The following ZNF585B variants were observed in gnomAD, a reference collection of about 807,000 sequenced individuals.
ZNF585B encodes zinc finger protein 41-like protein.
In ZNF585B, 7 loss-of-function variants were observed where a neutral mutation model predicts 14.0. The observed-to-expected ratio is 0.50, with a 90% CI of 0.28 to 0.94. The LOEUF is 0.94. Ranked by LOEUF, ZNF585B falls within the 40% of genes least tolerant of loss-of-function variation. The pLI, the probability that ZNF585B is intolerant of heterozygous loss-of-function variation, is 0.09. For synonymous variants in ZNF585B, 290 were observed against 317.3 expected (o/e 0.91, Z 0.91); for missense variants, 750 against 924.4 (o/e 0.81, Z 2.45).
chr19:37,186,783 T>C lies in ZNF585B; in HGVS notation c.754A>G (p.Thr252Ala), dbSNP rs1302686094. 6.2e-7 allele frequency: 1 copy of C among 1,614,206 alleles called. No individual in the cohort carries two copies. Among genetic ancestry groups the C allele is most frequent in the South Asian group, 1.1e-5 (1 of 91,086 alleles). Residue 252 changes from threonine to alanine, a missense_variant, in exon 5 of 5, where the codon ACA (threonine) becomes GCA (alanine). By Grantham distance (58) the Thr-to-Ala change is moderately conservative. Around this residue, in one of 2 missense-constraint regions of ZNF585B, gnomAD observed 517 missense variants for 570.3 expected, o/e 0.91. Transcript: ENST00000532828. Reference protein sequence around the residue: ...HECTDCGKAFTQKSTLKIHQK... With the variant: ...HECTDCGKAFAQKSTLKIHQK... ...TGAATCTTGAGTGTGGACTTTTGTG[T>C]GAACGCTTTGCCACAGTCAGTGCAT...
rs111650421 is a variant in ZNF585B, at chr19:37,186,585, G to A, written c.952C>T (p.Arg318Cys). The change falls in exon 5 of 5, where the codon CGT becomes TGT. Residue 318 changes from arginine to cysteine, a missense_variant. Arg to Cys is a radical substitution (Grantham distance 180, BLOSUM62 -3). This residue lies in a region of ZNF585B where 517 missense variants were observed against 570.3 expected (regional missense o/e 0.91). Transcript: ENST00000532828. ...ISKSQLQVHQ[R>C]VHTRVKPYIC... ...TAGGGCTTCACTCTTGTGTGAACAC[G>A]TTGATGTACCTGAAGTTGTGACTTG... 23 of 1,614,074 alleles carry A rather than the reference G, an allele frequency of 1.4e-5. No individual in the cohort carries two copies. The highest frequency in any genetic ancestry group is 6.6e-5 in the South Asian group (6 of 91,084).
intron 2 of ZNF585B, among the ~76,000 whole-genome samples, chr19:37,194,882 C>T (rs923268153): frequency 6.6e-5 from 10 of 151,828 alleles, no homozygotes; most frequent in African/African-American, 2.2e-4. Context: ...GTATGTTCCA[C>T]AAGGAAATCA....
intron 2 of ZNF585B, among the ~76,000 whole-genome samples, chr19:37,194,778 C>T (rs1241804584): frequency 2.0e-5 from 3 of 152,252 alleles, no homozygotes; most frequent in Admixed American, 1.3e-4. Flanking sequence ...GCAGAATACA[C>T]ATTCTTTTCA....
rs753183297 is a variant in ZNF585B, at chr19:37,185,595, T to C, written c.1942A>G (p.Asn648Asp). 6 of 1,613,920 alleles carry C rather than the reference T, an allele frequency of 3.7e-6. No homozygotes were observed. The highest frequency in any genetic ancestry group is 2.2e-5 in the South Asian group (2 of 91,058). Residue 648 changes from asparagine to aspartate, a missense_variant, in exon 5 of 5, where the codon AAT becomes GAT. This residue lies in a region of ZNF585B where 233 missense variants were observed against 354.1 expected (regional missense o/e 0.66). Coordinates refer to ENST00000532828, the MANE Select transcript of ZNF585B (RefSeq NM_152279.4). ...TGAGTTTTCTGGTGCTTACTGAGAT[T>C]TGACCTGCCACTAAAGGCTTTCCCA... ...ECGKAFSGRS[N>D]LSKHQKTHTG... is the part of the protein sequence containing the mutation.
At chr19:37,206,876 G>A (rs1021475883) in intron 2 of ZNF585B, among the ~76,000 whole-genome samples, 164 bp downstream of exon 2, 5 of 152,208 alleles carry the variant, frequency 3.3e-5, no homozygotes, top group Non-Finnish European at 5.9e-5. Flanking sequence ...CATTACCCAC[G>A]TGTTCATTCT....
chr19:37,196,917 G>C (rs956497569), intron 2 of ZNF585B, among the ~76,000 whole-genome samples: 3 of 152,140 alleles, frequency 2.0e-5, no homozygotes, highest in African/African-American at 7.2e-5. Context: ...CTGCACAGAG[G>C]TTAGCGCCCC....
intron 2 of ZNF585B, chr19:37,199,383 G>A: frequency 2.6e-6 from 1 of 383,988 alleles, no homozygotes; most frequent in Non-Finnish European, 5.2e-6. Flanking sequence ...AATTTCGCCA[G>A]TTCTATTGGC....
chr19:37,200,947 C>T (rs137868135), intron 2 of ZNF585B, among the ~76,000 whole-genome samples: 3,717 of 151,782 alleles, frequency 0.024, 173 homozygotes, highest in African/African-American at 0.084. Context: ...AAAAATTAGC[C>T]GGGCATGGTG....
In ZNF585B at chr19:37,182,006, A is replaced by C. The variant is rs1473819047; in HGVS notation, c.*3221T>G. 6.6e-6 allele frequency: 1 copy of C among 152,080 alleles called. No individual in the cohort carries two copies. The highest frequency in any genetic ancestry group is 1.5e-5 in the Non-Finnish European group (1 of 67,998). 9.4% of individuals were successfully genotyped at this position (152,080 alleles called of 1,614,324 possible). A position where few individuals can be genotyped will look rare whatever the true frequency, so the allele number is the denominator to read the frequency against. On this transcript the variant is annotated 3_prime_UTR_variant, in exon 5 of 5. Coordinates refer to ENST00000532828, the MANE Select transcript of ZNF585B (RefSeq NM_152279.4). The stretch of plus-strand genomic sequence containing the variant: ...ACCATGGACTTTGGCCGATAGTGTC[A>C]ATGTAGTTTCATCAATTGTAACAAA...
In ZNF585B at chr19:37,207,255, C is replaced by G; in HGVS notation, c.-143-1G>C. 1 of 1,463,580 alleles carries G rather than the reference C, an allele frequency of 6.8e-7. No individual in the cohort carries two copies. Among genetic ancestry groups the G allele is most frequent in the Non-Finnish European group, 9.0e-7 (1 of 1,110,906 alleles). The allele number at this position is 1,463,580 out of a possible 1,614,324, so 90.7% of individuals were successfully genotyped here. Reference sequence around the variant, plus strand: ...GGACTCCCCAGAGACACCCAAGAACCTAGAAAAACAATGTCCACGTAGTCA... The same window carrying G: ...GGACTCCCCAGAGACACCCAAGAACGTAGAAAAACAATGTCCACGTAGTCA... On this transcript the variant is annotated splice_acceptor_variant, in intron 1 of 4. Transcript: ENST00000532828. LOFTEE classifies it low-confidence loss of function (5UTR_SPLICE).
rs576657656 is a variant in ZNF585B, at chr19:37,200,780, G to A, written c.72+6260C>T. ...TTAAAGAAGGTAATGTTATAAAGCCGCCACTAAAAGAACAAAAGAAAAAAC... is the reference window on the plus strand; with the variant it reads ...TTAAAGAAGGTAATGTTATAAAGCCACCACTAAAAGAACAAAAGAAAAAAC... On this transcript the variant is annotated intron_variant, in intron 2 of 4. Coordinates refer to ENST00000532828, the MANE Select transcript of ZNF585B (RefSeq NM_152279.4). Among the ~76,000 whole-genome samples the A allele has an allele frequency of 4.0e-5, 6 of 151,344 alleles. No individual in the cohort carries two copies. The East Asian group carries it at 5.9e-4, about 15-fold the overall frequency.
intron 2 of ZNF585B, among the ~76,000 whole-genome samples, chr19:37,190,768 G>A (rs1044595273): frequency 1.3e-5 from 2 of 151,894 alleles, no homozygotes; most frequent in Non-Finnish European, 2.9e-5. Flanking sequence ...GTTTCACCAT[G>A]TTGGCCAGAA....
At chr19:37,208,939 C>T (rs1243184850) in intron 1 of ZNF585B, among the ~76,000 whole-genome samples, 2 of 151,728 alleles carry the variant, frequency 1.3e-5, no homozygotes, top group Non-Finnish European at 2.9e-5. Flanking sequence ...TTGCAATGAG[C>T]GGAGATCACG....
chr19:37,194,180 T>C (rs770488831), intron 2 of ZNF585B, among the ~76,000 whole-genome samples: 1 of 152,246 alleles, frequency 6.6e-6, no homozygotes, highest in Non-Finnish European at 1.5e-5. Flanking sequence ...AGGTTGCTTA[T>C]ACTATTCTCT....
chr19:37,206,420 C>T (rs1456761618), intron 2 of ZNF585B, among the ~76,000 whole-genome samples: 4 of 150,272 alleles, frequency 2.7e-5, no homozygotes, highest in African/African-American at 9.8e-5. Flanking sequence ...CATTGTACTC[C>T]AGCCTGGGCA....
chr19:37,194,042 T>A (rs1972433556), intron 2 of ZNF585B, among the ~76,000 whole-genome samples: 1 of 152,178 alleles, frequency 6.6e-6, no homozygotes, highest in Non-Finnish European at 1.5e-5. Context: ...TATTTTTAGA[T>A]AAAACATTGT....
At chr19:37,196,854 G>T (rs1423095033) in intron 2 of ZNF585B, among the ~76,000 whole-genome samples, 1 of 152,052 alleles carries the variant, frequency 6.6e-6, no homozygotes, top group African/African-American at 2.4e-5. Context: ...TTAACAGCAG[G>T]CTATCAGTAG....
At chr19:37,191,746 T>A (rs920982569) in intron 2 of ZNF585B, among the ~76,000 whole-genome samples, 1 of 151,958 alleles carries the variant, frequency 6.6e-6, no homozygotes, top group Non-Finnish European at 1.5e-5. Context: ...TGAAATAGGC[T>A]GTCTTGGCTG....
At chr19:37,206,700 A>C (rs1215897432) in intron 2 of ZNF585B, among the ~76,000 whole-genome samples, 1 of 152,208 alleles carries the variant, frequency 6.6e-6, no homozygotes. Context: ...GAGGTGGTTT[A>C]GGAAGAAATG....
Sources: allele counts gnomAD v4.1 joint callset (sites outside exome capture counted in the v4.1 genomes callset), GRCh38; gene constraint gnomAD v4.1.1; regional missense constraint gnomAD v4.1.1; transcripts MANE v1.5; gene names NCBI Gene and HGNC (gene_info 2026-07-23, HGNC 2026-07-21).